The following LRRK1 variants were observed in gnomAD, a reference collection of about 807,000 sequenced individuals.
LRRK1 encodes the protein leucine-rich repeat serine/threonine-protein kinase 1.
Under a neutral mutation model 209.1 loss-of-function variants are expected in LRRK1, and 113 were observed. The ratio of observed to expected loss-of-function variants is 0.54; its 90% CI spans 0.46 to 0.63. The LOEUF is 0.63. Among genes scored for constraint, LRRK1 ranks in the 30% least tolerant of loss-of-function variants. The pLI is 0.00. For synonymous variants in LRRK1, 1,144 were observed against 1,099.7 expected, an observed-to-expected ratio of 1.04 and a Z score of -0.80; for missense variants, 2,284 against 2,632.2, an observed-to-expected ratio of 0.87 and a Z score of 2.89.
At chr15:100,921,739 TAG>T (rs895558950) in intron 1 of LRRK1, among the ~76,000 whole-genome samples, 21 of 152,342 alleles carry the variant, frequency 1.4e-4, no homozygotes, top group African/African-American at 4.8e-4. Flanking sequence ...TTCTTTTCTC[TAG>T]AGTCTTGCTC....
In LRRK1 at chr15:101,051,799, G is replaced by C. The variant is rs201580059; in HGVS notation, c.3528G>C (p.Thr1176=). 1 of 1,614,104 alleles carries C rather than the reference G, an allele frequency of 6.2e-7. No homozygotes were observed. The part of the protein sequence containing the change: ...PVCETAWAQH[T]DPSEKSEDVQ... ...GCGAGACAGCCTGGGCCCAGCACAC[G>C]GACCCCAGTGAGAAATCAGAGGATG... Residue 1176 remains threonine (T), a synonymous_variant, in exon 24 of 34, where the codon ACG becomes ACC. Transcript: ENST00000388948.
chr15:101,017,448 C>T (rs749002659), intron 12 of LRRK1, among the ~76,000 whole-genome samples: 31 of 152,164 alleles, frequency 2.0e-4, no homozygotes, highest in Middle Eastern at 3.2e-3. Context: ...GAGTCCCCAG[C>T]GCCCCCCAGG....
At chr15:101,021,764 C>T in intron 13 of LRRK1, 81 bp from the exon 14 acceptor site, 1 of 968,374 alleles carries the variant, frequency 1.0e-6, no homozygotes. Context: ...CTGACAGGAG[C>T]CACGTGTGTG....
chr15:101,067,849 G>C (rs2036621262), intron 33 of LRRK1, among the ~76,000 whole-genome samples: 1 of 152,238 alleles, frequency 6.6e-6, no homozygotes, highest in Non-Finnish European at 1.5e-5. Context: ...TGGCATACCT[G>C]CCATTAATGT....
At chr15:100,993,924 CA>C (rs2141674962) in intron 6 of LRRK1, among the ~76,000 whole-genome samples, 1 of 152,284 alleles carries the variant, frequency 6.6e-6, no homozygotes, top group South Asian at 2.1e-4. Context: ...TTGGTTTTCT[CA>C]GTTATAAAAC....
intron 2 of LRRK1, among the ~76,000 whole-genome samples, chr15:100,932,849 T>C (rs1015014600): frequency 6.6e-6 from 1 of 152,200 alleles, no homozygotes; most frequent in African/African-American, 2.4e-5. Flanking sequence ...TATCTGCTGC[T>C]CCCTCTGCAT....
intron 6 of LRRK1, among the ~76,000 whole-genome samples, chr15:100,994,858 G>A (rs2032327762): frequency 6.6e-6 from 1 of 152,198 alleles, no homozygotes; most frequent in Admixed American, 6.5e-5. Context: ...GAGGGGTCCG[G>A]GCAGAGGGTT....
Position 101,027,296 on chromosome 15 carries a change from G to A in LRRK1, c.2441G>A (p.Gly814Glu). 6.2e-7 allele frequency: 1 copy of A among 1,614,156 alleles called. No individual in the cohort carries two copies. The highest frequency in any genetic ancestry group is 1.3e-5 in the African/African-American group (1 of 75,040). ...ISCKSLEGQE[G>E]LRQLIFHVTC... is the part of the protein sequence containing the mutation. Reference sequence around the variant, plus strand: ...TGCAAGAGCCTGGAAGGTCAGGAAGGGCTGCGACAGCTGATTTTCCACGTC... The same window carrying A: ...TGCAAGAGCCTGGAAGGTCAGGAAGAGCTGCGACAGCTGATTTTCCACGTC... Residue 814 changes from glycine to glutamate, a missense_variant, in exon 18 of 34, where the codon GGG (glycine) becomes GAG (glutamate). Physicochemically the swap from Gly to Glu is moderately conservative, Grantham distance 98. Coordinates refer to ENST00000388948, the MANE Select transcript of LRRK1 (RefSeq NM_024652.6). This position sits in a 1 kb window ranked among gnomAD's most constrained non-coding sequence, Gnocchi z 5.1.
intron 12 of LRRK1, among the ~76,000 whole-genome samples, chr15:101,017,612 T>G (rs927156151): frequency 1.3e-5 from 2 of 152,120 alleles, no homozygotes; most frequent in Non-Finnish European, 2.9e-5. Context: ...ACCGCGTCTG[T>G]GAGGGCTCTA....
At chr15:100,975,550 C>T (rs1274796108) in intron 3 of LRRK1, among the ~76,000 whole-genome samples, 2 of 152,184 alleles carry the variant, frequency 1.3e-5, no homozygotes, top group African/African-American at 4.8e-5. Flanking sequence ...TGCCTCTCCC[C>T]TGAATACAGG....
intron 20 of LRRK1, among the ~76,000 whole-genome samples, chr15:101,038,665 C>T (rs2034600422): frequency 6.6e-6 from 1 of 152,216 alleles, no homozygotes; most frequent in South Asian, 2.1e-4. Context: ...TTAGGTATTT[C>T]CTGTCACTTT....
intron 6 of LRRK1, among the ~76,000 whole-genome samples, chr15:101,006,973 C>T (rs1250517109): frequency 6.6e-6 from 1 of 152,218 alleles, no homozygotes; most frequent in African/African-American, 2.4e-5. Flanking sequence ...GCCTAAGATC[C>T]AGTGCCGCCC....
Position 101,029,697 on chromosome 15 carries a change from G to A in LRRK1, c.2963+465G>A, listed in dbSNP as rs531276655. Among the ~76,000 whole-genome samples, 7 of 152,116 alleles carry A rather than the reference G, an allele frequency of 4.6e-5. No homozygotes were observed. The South Asian group carries it at 6.2e-4, about 14-fold the overall frequency. ...AGCTTGACCAACATGGTGAAACCCC[G>A]TTTCTACTAAAAATACAAAAATTAG... On this transcript the variant is annotated intron_variant, in intron 20 of 33. Coordinates refer to ENST00000388948, the MANE Select transcript of LRRK1 (RefSeq NM_024652.6).
chr15:101,036,995 T>C (rs944497799), intron 20 of LRRK1, among the ~76,000 whole-genome samples: 1 of 152,176 alleles, frequency 6.6e-6, no homozygotes, highest in African/African-American at 2.4e-5. Flanking sequence ...GCCCCAGTGG[T>C]GGCAGCAGGC....
intron 10 of LRRK1, 83 bp downstream of exon 10, chr15:101,012,228 C>A: frequency 8.3e-7 from 1 of 1,202,660 alleles, no homozygotes; most frequent in Non-Finnish European, 1.2e-6. Context: ...ATGTGCTTTT[C>A]CTGAGCTTCT....
intron 20 of LRRK1, among the ~76,000 whole-genome samples, chr15:101,033,913 G>A (rs530548539): frequency 9.9e-5 from 15 of 152,114 alleles, no homozygotes; most frequent in African/African-American, 2.6e-4. Context: ...TTTTCTCTGC[G>A]TCCTCACCAG....
At chr15:101,048,725 A>C in intron 22 of LRRK1, 68 bp downstream of exon 22, 1 of 1,313,698 alleles carries the variant, frequency 7.6e-7, no homozygotes, top group Non-Finnish European at 1.0e-6. Context: ...GGGCCACGTC[A>C]GCAGGATGCC....
intron 31 of LRRK1, 22 bp downstream of exon 31, chr15:101,062,712 G>C: frequency 6.4e-7 from 1 of 1,551,138 alleles, no homozygotes; most frequent in Non-Finnish European, 8.9e-7. Flanking sequence ...GCAAAGGCAG[G>C]TATGCAGGTC....
At position 101,049,729 on chromosome 15, in the gene LRRK1, G is replaced by C. The variant is rs2035291659; in HGVS notation, c.3385G>C (p.Ala1129Pro). ...VCQSEVRDFS[A>P]MAFITDHVNS... The stretch of plus-strand genomic sequence containing the variant: ...CCAATCAGAAGTGAGGGACTTCTCA[G>C]CCATGGCTTTCATCACGGACCACGT... Residue 1129 changes from alanine (A) to proline (P), a missense_variant, in exon 23 of 34, where the codon GCC (alanine) becomes CCC (proline). Ala to Pro is a conservative substitution (Grantham distance 27, BLOSUM62 -1). Coordinates refer to ENST00000388948, the MANE Select transcript of LRRK1 (RefSeq NM_024652.6). 6.2e-7 allele frequency: 1 copy of C among 1,614,110 alleles called. No individual in the cohort carries two copies.
Sources: allele counts gnomAD v4.1 joint callset (sites outside exome capture counted in the v4.1 genomes callset), GRCh38; gene constraint gnomAD v4.1.1; non-coding constraint Gnocchi (gnomAD v3.1); transcripts MANE v1.5; gene names NCBI Gene and HGNC (gene_info 2026-07-23, HGNC 2026-07-21).